Variants in SAMSN1 observed in about 807,000 individuals in gnomAD.
SAMSN1 encodes the protein SAM domain, SH3 domain and nuclear localization signals 1.
SAMSN1 carries 31 observed loss-of-function variants against 42.0 expected under a neutral mutation model. That is an observed-to-expected ratio of 0.74 (90% CI 0.55 to 1.00). The LOEUF (loss-of-function observed/expected upper bound fraction) is 1.00. SAMSN1 is among the 50% of genes least tolerant of loss of function. The pLI is 0.00. For missense variants in SAMSN1, 464 were observed against 439.4 expected, an observed-to-expected ratio of 1.06 and a Z score of -0.50; for synonymous variants, 178 against 151.9, an observed-to-expected ratio of 1.17 and a Z score of -1.26.
chr21:14,590,056 G>A (rs150663045), intron 7 of SAMSN1, among the ~76,000 whole-genome samples: 194 of 152,174 alleles, frequency 1.3e-3, no homozygotes, highest in African/African-American at 3.9e-3. Context: ...CTTATGACTC[G>A]TTGTTTCATT....
At chr21:14,514,552 G>T (rs114639106) in intron 3 of SAMSN1, among the ~76,000 whole-genome samples, 1,916 of 152,290 alleles carry the variant, frequency 0.013, 40 homozygotes, top group African/African-American at 0.043. Context: ...TTTACATGGA[G>T]AAATTAGGGA....
chr21:14,530,034 T>C lies in SAMSN1; in HGVS notation c.58-8813A>G, dbSNP rs150202194. Among the ~76,000 whole-genome samples the C allele has an allele frequency of 3.3e-3, 499 of 152,274 alleles. 6 individuals carry two copies. Among genetic ancestry groups the C allele is most frequent in the African/African-American group, 0.011 (450 of 41,570 alleles). On this transcript the variant is annotated intron_variant, in intron 1 of 7. Transcript: ENST00000400566. ...GCTCTTTAGAAATAATCACCAAATC[T>C]GGCCGGGCGCAGTGGCTCACGCCTG...
chr21:14,562,322 G>A (rs941410251), intron 2 of SAMSN1, among the ~76,000 whole-genome samples: 1 of 152,078 alleles, frequency 6.6e-6, no homozygotes, highest in Non-Finnish European at 1.5e-5. Context: ...GTGTTTTCCT[G>A]TCTATGAAAC....
intron 1 of SAMSN1, among the ~76,000 whole-genome samples, chr21:14,542,386 C>T (rs934200342): frequency 1.3e-5 from 2 of 152,160 alleles, no homozygotes; most frequent in Admixed American, 6.5e-5. Flanking sequence ...AAATAAGAGT[C>T]ATTCTCTCAC....
intron 5 of SAMSN1, among the ~76,000 whole-genome samples, chr21:14,509,100 G>C (rs1468260062): frequency 6.7e-6 from 1 of 150,008 alleles, no homozygotes; most frequent in Non-Finnish European, 1.5e-5. Flanking sequence ...TGGTGACAGA[G>C]CAAGACTCCA....
In SAMSN1 at chr21:14,602,025, G is replaced by A. The variant is rs772695363; in HGVS notation, c.397C>T (p.Gln133Ter). 5 of 689,204 alleles carry A rather than the reference G, an allele frequency of 7.3e-6. No homozygotes were observed. In the South Asian group the frequency reaches 7.8e-5, roughly 11 times the overall value. 42.7% of individuals were successfully genotyped at this position (689,204 alleles called of 1,614,324 possible). The change falls in exon 6 of 16, where the codon CAG (glutamine) becomes TAG (stop). Residue 133 changes from glutamine (Q) to a stop codon, truncating the protein, a stop_gained and splice_region_variant. Transcript: ENST00000647101. LOFTEE classifies it high-confidence loss of function. ...CAAATGCTGATTATTCACATTACCT[G>A]ATAGGAAGTTCCTTGTAGAGTTTTT...
Position 14,544,445 on chromosome 21 carries a change from C to A in SAMSN1, c.57+1760G>T, listed in dbSNP as rs770882412. ...AAGGAGTTATTTTAAGACATAATTACAAATGGAAAAATATCACTTCCATGT... is the reference window on the plus strand; with the variant it reads ...AAGGAGTTATTTTAAGACATAATTAAAAATGGAAAAATATCACTTCCATGT... On this transcript the variant is annotated intron_variant, in intron 1 of 7. Coordinates refer to ENST00000400566, the MANE Select transcript of SAMSN1 (RefSeq NM_022136.5). Among the ~76,000 whole-genome samples the A allele has an allele frequency of 8.1e-4, 123 of 152,100 alleles. 1 individual carries two copies. The highest frequency in any genetic ancestry group is 2.1e-3 in the Admixed American group (32 of 15,262).
intron 2 of SAMSN1, among the ~76,000 whole-genome samples, chr21:14,624,464 T>A (rs542465089): frequency 3.9e-5 from 6 of 152,120 alleles, no homozygotes; most frequent in African/African-American, 1.4e-4. Flanking sequence ...AATCCCACAG[T>A]AATACAAACT....
intron 4 of SAMSN1, among the ~76,000 whole-genome samples, chr21:14,612,121 T>C (rs952271194): frequency 6.6e-6 from 1 of 152,164 alleles, no homozygotes; most frequent in African/African-American, 2.4e-5. Flanking sequence ...TAGTCCCAGC[T>C]ACTCTGGGGG....
chr21:14,584,762 C>T (rs2822795), upstream of SAMSN1, among the ~76,000 whole-genome samples: 131 of 152,204 alleles, frequency 8.6e-4, no homozygotes, highest in African/African-American at 3.1e-3. Context: ...AAAGACACTG[C>T]AGTTTTCAAG....
At chr21:14,496,303 T>C (rs576197164) in intron 7 of SAMSN1, 1 of 152,322 alleles carries the variant, frequency 6.6e-6, no homozygotes, top group East Asian at 1.9e-4. Context: ...TCCCTTTGAT[T>C]AAATCTCCAT....
chr21:14,524,263 A>G (rs1978684744), intron 1 of SAMSN1, among the ~76,000 whole-genome samples: 1 of 152,274 alleles, frequency 6.6e-6, no homozygotes, highest in East Asian at 1.9e-4. Flanking sequence ...ATAAATGAGA[A>G]TGTGTTTGAA....
intron 1 of SAMSN1, among the ~76,000 whole-genome samples, chr21:14,545,847 G>A (rs1018828666): frequency 2.6e-5 from 4 of 152,150 alleles, no homozygotes; most frequent in African/African-American, 9.7e-5. Context: ...TCAGTAGACT[G>A]TTCAATAGAC....
At position 14,634,053 on chromosome 21, in the gene SAMSN1, T is replaced by G. The variant is rs145924547; in HGVS notation, c.156+8949A>C. Among the ~76,000 whole-genome samples, 583 of 152,174 alleles carry G rather than the reference T, an allele frequency of 3.8e-3. 5 individuals carry two copies. Among genetic ancestry groups the G allele is most frequent in the African/African-American group, 0.014 (561 of 41,546 alleles). Reference sequence around the variant, plus strand: ...AACTTGATTTTTAAAATATTTAATTTTATTATTATCATTATCCCTATTTTA... The same window carrying G: ...AACTTGATTTTTAAAATATTTAATTGTATTATTATCATTATCCCTATTTTA... On this transcript the variant is annotated intron_variant, in intron 2 of 15. Coordinates refer to the SAMSN1 transcript ENST00000647101.
In SAMSN1 at chr21:14,577,286, T is replaced by TA. The variant is rs1568816302; in HGVS notation, c.261+4849_261+4850insT. On this transcript the variant is annotated intron_variant, in intron 2 of 8. Coordinates refer to the SAMSN1 transcript ENST00000285670. ...TATATATATATATATATATATATATTTTTTTTTTAGAAGAGACAGGGTTTT... is the reference window on the plus strand; with the variant it reads ...TATATATATATATATATATATATATTATTTTTTTTAGAAGAGACAGGGTTTT... Among the ~76,000 whole-genome samples the TA allele has an allele frequency of 2.4e-3, 172 of 72,936 alleles. 2 individuals carry two copies. Among genetic ancestry groups the TA allele is most frequent in the Non-Finnish European group, 3.4e-3 (118 of 34,842 alleles). 47.8% of individuals were successfully genotyped at this position (72,936 alleles called of 152,430 possible).
chr21:14,589,154 G>A lies in SAMSN1; in HGVS notation c.465+4859C>T, dbSNP rs143823421. Among the ~76,000 whole-genome samples the A allele has an allele frequency of 3.6e-3, 555 of 152,148 alleles. 1 individual carries two copies. The highest frequency in any genetic ancestry group is 0.013 in the African/African-American group (525 of 41,536). On this transcript the variant is annotated intron_variant, in intron 7 of 15. Transcript: ENST00000647101. ...ATTAGAGAATACTTTTTAGAAGATA[G>A]CATCAATGAATTATTGAACTGGATT...
intron 4 of SAMSN1, among the ~76,000 whole-genome samples, chr21:14,612,020 G>A (rs1473713676): frequency 6.6e-6 from 1 of 152,100 alleles, no homozygotes. Flanking sequence ...GGATCACGAG[G>A]TCAAGAGATC....
chr21:14,493,015 T>A (rs1986759017), intron 7 of SAMSN1, among the ~76,000 whole-genome samples: 1 of 152,246 alleles, frequency 6.6e-6, no homozygotes, highest in Non-Finnish European at 1.5e-5. Flanking sequence ...TTAGGCCAAC[T>A]GCTGGACTGC....
intron 2 of SAMSN1, among the ~76,000 whole-genome samples, chr21:14,622,918 C>T (rs1019699571): frequency 6.6e-6 from 1 of 152,162 alleles, no homozygotes; most frequent in African/African-American, 2.4e-5. Context: ...TAACAGCGGA[C>T]CTCTCAGCAG....
Sources: gnomAD v4.1 joint callset for allele counts (sites outside exome capture counted in the v4.1 genomes callset) on GRCh38, gnomAD v4.1.1 for gene constraint, MANE v1.5 for transcripts, NCBI Gene and HGNC (gene_info 2026-07-23, HGNC 2026-07-21) for gene names.